The following LYST variants were observed in gnomAD, a reference collection of about 807,000 sequenced individuals.
The protein encoded by LYST is lysosomal trafficking regulator.
LYST carries 192 observed loss-of-function variants against 413.6 expected under a neutral mutation model. The observed-to-expected ratio is 0.46, with a 90% CI of 0.41 to 0.52. The LOEUF (loss-of-function observed/expected upper bound fraction) is 0.52. LYST is among the 20% of genes least tolerant of loss of function. The probability of loss-of-function intolerance (pLI) is 0.00; values close to 1 mark genes in which losing one functional copy is unlikely to be tolerated. For missense variants in LYST, 3,815 were observed against 4,499.9 expected (o/e 0.85, Z 4.35); for synonymous variants, 1,525 against 1,567.3 (o/e 0.97, Z 0.64).
At chr1:235,789,318 A>G (rs2103514376) in intron 12 of LYST, among the ~76,000 whole-genome samples, 1 of 152,336 alleles carries the variant, frequency 6.6e-6, no homozygotes, top group South Asian at 2.1e-4. Flanking sequence ...GTGTTTGAAT[A>G]TATTCATAAT....
At chr1:235,717,704 C>T (rs1431093683) in intron 40 of LYST, among the ~76,000 whole-genome samples, 1 of 143,856 alleles carries the variant, frequency 7.0e-6, no homozygotes. Context: ...CATGTTGATA[C>T]ATCTTTTTTT....
chr1:235,778,214 G>A (rs971628558), intron 16 of LYST, among the ~76,000 whole-genome samples: 2 of 150,728 alleles, frequency 1.3e-5, no homozygotes, highest in African/African-American at 2.5e-5. Context: ...CCAGAGTGCT[G>A]GGATTATAGG....
chr1:235,774,017 G>T lies in LYST; in HGVS notation c.5635-26C>A, dbSNP rs568638268. The T allele has an allele frequency of 1.3e-5, 19 of 1,512,114 alleles. No homozygotes were observed. In the South Asian group the frequency reaches 2.1e-4, roughly 17 times the overall value. 93.7% of individuals were successfully genotyped at this position (1,512,114 alleles called of 1,614,324 possible). A position where few individuals can be genotyped will look rare whatever the true frequency, so the allele number is the denominator to read the frequency against. On this transcript the variant is annotated intron_variant, in intron 18 of 52. Transcript: ENST00000389793. ...CTATAGAAAATTAGCATTAATATAA[G>T]ATGCATTAGTAATTGGTTAATCAGG...
intron 28 of LYST, among the ~76,000 whole-genome samples, chr1:235,750,673 C>T (rs1027961084): frequency 7.2e-5 from 11 of 152,112 alleles, no homozygotes; most frequent in Admixed American, 6.6e-4. Context: ...GGAAGACTAA[C>T]AATATTAATG....
rs570706063 is a variant in LYST, at chr1:235,847,683, C to G, written c.-97-14016G>C. Among the ~76,000 whole-genome samples the G allele has an allele frequency of 2.6e-4, 39 of 151,996 alleles. No individual in the cohort carries two copies. In the East Asian group the frequency reaches 7.1e-3, roughly 28 times the overall value. ...CACCTAACACATAAGCACTCACATACGGTAAAGGGGTGGGAAAAGGCATTT... is the reference window on the plus strand; with the variant it reads ...CACCTAACACATAAGCACTCACATAGGGTAAAGGGGTGGGAAAAGGCATTT... On this transcript the variant is annotated intron_variant, in intron 1 of 52. Coordinates refer to ENST00000389793, the MANE Select transcript of LYST (RefSeq NM_000081.4).
chr1:235,831,997 G>C (rs935096082), intron 2 of LYST, among the ~76,000 whole-genome samples: 1 of 152,006 alleles, frequency 6.6e-6, no homozygotes, highest in Admixed American at 6.6e-5. Flanking sequence ...TCACCTTCTG[G>C]GCCATCAAGA....
At chr1:235,805,539 ATG>A (rs149137664) in intron 6 of LYST, among the ~76,000 whole-genome samples, 27 of 151,252 alleles carry the variant, frequency 1.8e-4, no homozygotes, top group Admixed American at 2.6e-4. Context: ...CACTTATAAA[ATG>A]TGTGTGTGTG....
At chr1:235,830,915 T>C (rs967421365) in intron 2 of LYST, among the ~76,000 whole-genome samples, 2 of 152,178 alleles carry the variant, frequency 1.3e-5, no homozygotes, top group African/African-American at 4.8e-5. Flanking sequence ...AACTGAAAAA[T>C]TCTAATAGCT....
At chr1:235,730,340 CAG>C (rs1370140057) in intron 36 of LYST, among the ~76,000 whole-genome samples, 2 of 151,952 alleles carry the variant, frequency 1.3e-5, no homozygotes, top group African/African-American at 4.8e-5. Flanking sequence ...GTAACTGAGA[CAG>C]AGAGGTTAGG....
rs567434791 is a variant in LYST, at chr1:235,770,967, T to C, written c.5785-670A>G. On this transcript the variant is annotated intron_variant, in intron 19 of 52. Coordinates refer to ENST00000389793, the MANE Select transcript of LYST (RefSeq NM_000081.4). Reference sequence around the variant, plus strand: ...CTAATATTGAAAGATAACCTTCCCTTCATCTTATTATCCTAATTGACCTTT... The same window carrying C: ...CTAATATTGAAAGATAACCTTCCCTCCATCTTATTATCCTAATTGACCTTT... Among the ~76,000 whole-genome samples, 21 of 152,304 alleles carry C rather than the reference T, an allele frequency of 1.4e-4. No homozygotes were observed. In the South Asian group the frequency reaches 2.5e-3, roughly 18 times the overall value.
intron 3 of LYST, chr1:235,827,554 C>A: frequency 1.0e-6 from 1 of 978,268 alleles, no homozygotes; most frequent in Non-Finnish European, 1.2e-6. Context: ...GATAAAATAT[C>A]ATTCAATTAA....
At chr1:235,868,550 G>C (rs1364095914), upstream of LYST, among the ~76,000 whole-genome samples, 2 of 152,054 alleles carry the variant, frequency 1.3e-5, no homozygotes, top group Non-Finnish European at 2.9e-5. Context: ...GAAAATAATA[G>C]ATTATCATGA....
At chr1:235,735,465 T>C (rs542691472) in intron 31 of LYST, 12 of 152,270 alleles carry the variant, frequency 7.9e-5, no homozygotes, top group African/African-American at 2.4e-4. Flanking sequence ...ATAATGACAA[T>C]TGGCCTTTGC....
intron 39 of LYST, among the ~76,000 whole-genome samples, chr1:235,722,979 G>A (rs1663518457): frequency 6.6e-6 from 1 of 152,190 alleles, no homozygotes; most frequent in South Asian, 2.1e-4. Context: ...AAATGATTCT[G>A]GCAAGAAATG....
At chr1:235,759,684 C>A in intron 22 of LYST, 85 bp from the exon 23 acceptor site, 1 of 998,250 alleles carries the variant, frequency 1.0e-6, no homozygotes, top group Admixed American at 1.9e-5. Flanking sequence ...ACAACCACAG[C>A]AAAAGCCCAT....
At chr1:235,844,792 T>C (rs1677603278) in intron 1 of LYST, among the ~76,000 whole-genome samples, 1 of 152,276 alleles carries the variant, frequency 6.6e-6, no homozygotes, top group Admixed American at 6.5e-5. Context: ...ACTGCACTTG[T>C]TCAGATTAAT....
At position 235,810,781 on chromosome 1, in the gene LYST, G is replaced by A. The variant is rs556829458; in HGVS notation, c.284-247C>T. Among the ~76,000 whole-genome samples the A allele has an allele frequency of 5.3e-5, 8 of 152,192 alleles. 1 individual carries two copies. The highest frequency in any genetic ancestry group is 1.9e-4 in the African/African-American group (8 of 41,530). On this transcript the variant is annotated intron_variant, in intron 4 of 52. Transcript: ENST00000389793. ...AATTGATTTTTAAAACAACAAAACAGAGGCACACCTATACTTACTCTAAAC... is the reference window on the plus strand; with the variant it reads ...AATTGATTTTTAAAACAACAAAACAAAGGCACACCTATACTTACTCTAAAC...
chr1:235,752,104 G>A lies in LYST; in HGVS notation c.7528C>T (p.His2510Tyr). 6.2e-7 allele frequency: 1 copy of A among 1,610,848 alleles called. No homozygotes were observed. The highest frequency in any genetic ancestry group is 2.2e-5 in the East Asian group (1 of 44,748). Reference sequence around the variant, plus strand: ...TGTGAGCCTGAGGAACTGCAAGCATGAATTGTAACTGCTATGAAAAGTTGC... The same window carrying A: ...TGTGAGCCTGAGGAACTGCAAGCATAAATTGTAACTGCTATGAAAAGTTGC... ...IQQLFIAVTI[H>Y]ACSSSGSQYF... The change falls in exon 27 of 53, where the codon CAT becomes TAT. Residue 2510 changes from histidine (H) to tyrosine (Y), a missense_variant. By Grantham distance (83) the His-to-Tyr change is moderately conservative. Coordinates refer to ENST00000389793, the MANE Select transcript of LYST (RefSeq NM_000081.4).
At chr1:235,862,481 T>C (rs1679987259) in intron 1 of LYST, among the ~76,000 whole-genome samples, 1 of 152,154 alleles carries the variant, frequency 6.6e-6, no homozygotes, top group Non-Finnish European at 1.5e-5. Context: ...CATTTCAGGC[T>C]TCCACTGGGG....
Sources: allele counts gnomAD v4.1 joint callset (sites outside exome capture counted in the v4.1 genomes callset), GRCh38; gene constraint gnomAD v4.1.1; transcripts MANE v1.5; gene names NCBI Gene and HGNC (gene_info 2026-07-23, HGNC 2026-07-21).